NUMA1: variants seen among roughly 807,000 people sequenced by gnomAD.
NUMA1 encodes the protein nuclear mitotic apparatus protein 1.
NUMA1 carries 62 observed loss-of-function variants against 237.1 expected under a neutral mutation model. That is an observed-to-expected ratio of 0.26 (90% CI 0.21 to 0.32). The LOEUF (loss-of-function observed/expected upper bound fraction) is 0.32. Among genes scored for constraint, NUMA1 ranks in the 10% least tolerant of loss-of-function variants. The pLI, the probability that NUMA1 is intolerant of heterozygous loss-of-function variation, is 1.00. For synonymous variants in NUMA1, 1,028 were observed against 1,066.1 expected (o/e 0.96, Z 0.70); for missense variants, 2,533 against 2,666.5 (o/e 0.95, Z 1.10).
chr11:72,047,343 C>A (rs2135964289), intron 2 of NUMA1, among the ~76,000 whole-genome samples: 1 of 151,984 alleles, frequency 6.6e-6, no homozygotes, highest in Admixed American at 6.6e-5. Context: ...AAAGAATTAG[C>A]CAGACATGGT....
At chr11:72,048,190 G>A (rs533653780) in intron 2 of NUMA1, among the ~76,000 whole-genome samples, 38 of 151,892 alleles carry the variant, frequency 2.5e-4, no homozygotes, top group South Asian at 2.1e-4. Context: ...TCTGCCTCCC[G>A]GGTTCATGTG....
At chr11:72,039,131 G>A (rs1359711155) in intron 2 of NUMA1, among the ~76,000 whole-genome samples, 5 of 152,186 alleles carry the variant, frequency 3.3e-5, no homozygotes, top group Non-Finnish European at 2.9e-5. Flanking sequence ...AAAGAGACAC[G>A]CAGCCACTCT....
At chr11:72,080,015 A>G (rs778937456) in intron 1 of NUMA1, among the ~76,000 whole-genome samples, 4 of 152,208 alleles carry the variant, frequency 2.6e-5, no homozygotes, top group Non-Finnish European at 4.4e-5. Context: ...CCCATCTTTA[A>G]AGTATAACAG....
chr11:72,017,955 A>G, intron 12 of NUMA1, 128 bp from the exon 13 acceptor site: 1 of 1,145,432 alleles, frequency 8.7e-7, no homozygotes, highest in Non-Finnish European at 1.2e-6. Flanking sequence ...AACCAATCAC[A>G]GCCATCACAC....
In NUMA1 at chr11:72,014,854, T is replaced by A. The variant is rs1317847948; in HGVS notation, c.2649A>T (p.Arg883Ser). 1 of 1,614,236 alleles carries A rather than the reference T, an allele frequency of 6.2e-7. No homozygotes were observed. The highest frequency in any genetic ancestry group is 1.1e-5 in the South Asian group (1 of 91,090). The change falls in exon 15 of 27, where the codon AGA becomes AGT. Residue 883 changes from arginine to serine, a missense_variant. Arg to Ser is a moderately radical substitution (Grantham distance 110). Around this residue, in one of 3 missense-constraint regions of NUMA1, gnomAD observed 1,414 missense variants for 1,508.1 expected, o/e 0.94. Transcript: ENST00000393695. This position sits in a 1 kb window ranked among gnomAD's most constrained non-coding sequence, Gnocchi z 4.6. ...ELAELHANLARALQQVQEKEV... is the reference protein window; with the variant it reads ...ELAELHANLASALQQVQEKEV... ...CCTTCTCTTGGACCTGCTGGAGTGC[T>A]CTGGCCAGGTTGGCATGGAGCTCAG...
chr11:72,021,229 C>T lies in NUMA1; in HGVS notation c.435G>A (p.Glu145=), dbSNP rs368771685. 9.3e-6 allele frequency: 15 copies of T among 1,614,146 alleles called. No individual in the cohort carries two copies. The highest frequency in any genetic ancestry group is 1.3e-5 in the Non-Finnish European group (15 of 1,179,984). The change falls in exon 8 of 27, where the codon GAG becomes GAA. Residue 145 remains glutamate, a synonymous_variant. Coordinates refer to ENST00000393695, the MANE Select transcript of NUMA1 (RefSeq NM_006185.4). ...LDHEDGLNLN[E]DLENFLQKAP... is the part of the protein sequence containing the mutation. ...CTTTCTGTAGGAAGTTCTCTAGGTC[C>T]TCATTAAGGTTTAGCCCGTCCTCAT...
At chr11:72,059,498 G>C (rs1409386914) in intron 2 of NUMA1, among the ~76,000 whole-genome samples, 1 of 152,120 alleles carries the variant, frequency 6.6e-6, no homozygotes, top group Non-Finnish European at 1.5e-5. Flanking sequence ...CAAACTCCTA[G>C]GCTCAAACAA....
chr11:72,064,070 TG>T (rs1366090279), intron 2 of NUMA1, among the ~76,000 whole-genome samples: 14 of 152,170 alleles, frequency 9.2e-5, no homozygotes, highest in Non-Finnish European at 1.3e-4. Context: ...TTTATCATTC[TG>T]AAAAACTGAA....
At chr11:72,017,583 GA>G in intron 13 of NUMA1, 103 bp downstream of exon 13, 1 of 1,392,124 alleles carries the variant, frequency 7.2e-7, no homozygotes, top group Non-Finnish European at 1.0e-6. Context: ...ACCTTGAAGA[GA>G]AAGCAACTTA....
In NUMA1 at chr11:72,009,331, C is replaced by A; in HGVS notation, c.4776G>T (p.Gln1592His). ...TCAACTGGGCTTGCAGTTCATTCAGCTGGGCCTGGAGGCGCTGGGCCTCCT... is the reference window on the plus strand; with the variant it reads ...TCAACTGGGCTTGCAGTTCATTCAGATGGGCCTGGAGGCGCTGGGCCTCCT... ...SQQEAQRLQA[Q>H]LNELQAQLSQ... Residue 1592 changes from glutamine to histidine, a missense_variant, in exon 18 of 27, where the codon CAG (glutamine) becomes CAT (histidine). Transcript: ENST00000393695. 1 of 1,613,408 alleles carries A rather than the reference C, an allele frequency of 6.2e-7. No homozygotes were observed. Among genetic ancestry groups the A allele is most frequent in the Non-Finnish European group, 8.5e-7 (1 of 1,179,982 alleles).
intron 2 of NUMA1, among the ~76,000 whole-genome samples, chr11:72,040,292 T>C (rs1207020372): frequency 6.6e-6 from 1 of 152,122 alleles, no homozygotes; most frequent in Non-Finnish European, 1.5e-5. Context: ...GAAACCAAGC[T>C]TCTCTGGTTT....
chr11:72,056,635 T>TTTAAAAA (rs1281316084), intron 2 of NUMA1, among the ~76,000 whole-genome samples: 1 of 76,010 alleles, frequency 1.3e-5, no homozygotes, highest in African/African-American at 6.5e-5. Context: ...CCCATCTCTT[T>TTTAAAAA]AAAAAAAAAA....
chr11:72,023,881 G>A (rs924764288), intron 5 of NUMA1, among the ~76,000 whole-genome samples: 6 of 152,272 alleles, frequency 3.9e-5, no homozygotes, highest in African/African-American at 1.4e-4. Flanking sequence ...TACACCTATC[G>A]CCTAAGCAAT....
chr11:72,030,348 AAAAAG>A (rs1485446175), intron 3 of NUMA1, among the ~76,000 whole-genome samples: 5 of 152,048 alleles, frequency 3.3e-5, no homozygotes, highest in South Asian at 4.1e-4. Context: ...AAGGAAAAAA[AAAAAG>A]AAAAGAAAAG....
Position 72,015,126 on chromosome 11 carries a change from T to G in NUMA1, c.2377A>C (p.Met793Leu), listed in dbSNP as rs748505480. 1 of 1,613,520 alleles carries G rather than the reference T, an allele frequency of 6.2e-7. No individual in the cohort carries two copies. Among genetic ancestry groups the G allele is most frequent in the Non-Finnish European group, 8.5e-7 (1 of 1,180,024 alleles). ...CTCTCAGCTGTGTGCTGGGCAGCCA[T>G]GGCCTCTGCCAGCTCCCGCCGCAGG... ...EVLRRELAEAMAAQHTAESEC... is the reference protein window; with the variant it reads ...EVLRRELAEALAAQHTAESEC... Residue 793 changes from methionine to leucine, a missense_variant, in exon 15 of 27, where the codon ATG becomes CTG. Met to Leu is a conservative substitution (Grantham distance 15). Around this residue, in one of 3 missense-constraint regions of NUMA1, gnomAD observed 1,414 missense variants for 1,508.1 expected, o/e 0.94. Transcript: ENST00000393695. This position sits in a 1 kb window ranked among gnomAD's most constrained non-coding sequence, Gnocchi z 4.0.
chr11:72,037,371 T>C (rs985751232), intron 2 of NUMA1, among the ~76,000 whole-genome samples: 3 of 152,076 alleles, frequency 2.0e-5, no homozygotes, highest in African/African-American at 7.2e-5. Flanking sequence ...CTGGGCATGG[T>C]GGCGGGCGCC....
chr11:72,008,685 G>A lies in NUMA1; in HGVS notation c.5216+3C>T. On this transcript the variant is annotated splice_donor_region_variant and intron_variant, in intron 20 of 26. Coordinates refer to ENST00000393695, the MANE Select transcript of NUMA1 (RefSeq NM_006185.4). ...GACATAGGGAGGAAGGCTGCCTCCT[G>A]ACCTGGTGATACTGAGTGGGGTCCC... 1 of 1,614,122 alleles carries A rather than the reference G, an allele frequency of 6.2e-7. No individual in the cohort carries two copies. The highest frequency in any genetic ancestry group is 8.5e-7 in the Non-Finnish European group (1 of 1,180,026).
chr11:72,017,089 T>TC (rs1937927001), intron 13 of NUMA1: 1 of 162,108 alleles, frequency 6.2e-6, no homozygotes, highest in Non-Finnish European at 1.4e-5. Context: ...TTCGAGAGCT[T>TC]CTTCTGTCTC....
rs1937764500 is a variant in NUMA1, at chr11:72,016,425, G to A, written c.1225C>T (p.Leu409=). 1 of 1,614,036 alleles carries A rather than the reference G, an allele frequency of 6.2e-7. No homozygotes were observed. The highest frequency in any genetic ancestry group is 8.5e-7 in the Non-Finnish European group (1 of 1,180,006). The change falls in exon 14 of 27, where the codon CTG becomes TTG. Residue 409 remains leucine, a synonymous_variant. Coordinates refer to ENST00000393695, the MANE Select transcript of NUMA1 (RefSeq NM_006185.4). ...DNPPQEKGEV[L]GDVLQLETLK... ...ATTCCTACCTGCAAGACATCACCCA[G>A]CACCTCGCCCTTCTCCTGGGGTGGG...
Sources: gnomAD v4.1 joint callset for allele counts (sites outside exome capture counted in the v4.1 genomes callset) on GRCh38, gnomAD v4.1.1 for gene constraint, gnomAD v4.1.1 regional missense constraint, Gnocchi (gnomAD v3.1) non-coding constraint, MANE v1.5 for transcripts, NCBI Gene and HGNC (gene_info 2026-07-23, HGNC 2026-07-21) for gene names.